DSTYK: variants seen among roughly 807,000 people sequenced by gnomAD.
The protein encoded by DSTYK is RIP-homologous kinase.
A neutral mutation model predicts 98.7 loss-of-function variants in DSTYK; 34 were observed. The observed-to-expected ratio is 0.34, with a 90% CI of 0.26 to 0.46. The LOEUF (loss-of-function observed/expected upper bound fraction) is 0.46. DSTYK is among the 20% of genes least tolerant of loss of function. DSTYK has a pLI of 1.00. For synonymous variants in DSTYK, 462 were observed against 457.3 expected, an observed-to-expected ratio of 1.01 and a Z score of -0.13; for missense variants, 962 against 1,181.7, an observed-to-expected ratio of 0.81 and a Z score of 2.73.
intron 1 of DSTYK, among the ~76,000 whole-genome samples, chr1:205,209,337 G>C (rs1659296125): frequency 1.3e-5 from 2 of 152,170 alleles, no homozygotes; most frequent in Admixed American, 1.3e-4. Flanking sequence ...TTATGGGTGC[G>C]GGTGAAAGTA....
chr1:205,147,056 G>C lies in DSTYK; in HGVS notation c.*502C>G, dbSNP rs561835843. 6.5e-6 allele frequency: 1 copy of C among 153,138 alleles called. No homozygotes were observed. Among genetic ancestry groups the C allele is most frequent in the African/African-American group, 2.4e-5 (1 of 41,532 alleles). The allele number at this position is 153,138 out of a possible 1,614,324, so 9.5% of individuals were successfully genotyped here. On this transcript the variant is annotated 3_prime_UTR_variant, in exon 13 of 13. Transcript: ENST00000367162. ...TTGCAACCTGAGATACCTGGCTGCAGACAGCAGGAACCAGACATCCACAAG... is the reference window on the plus strand; with the variant it reads ...TTGCAACCTGAGATACCTGGCTGCACACAGCAGGAACCAGACATCCACAAG...
intron 1 of DSTYK, among the ~76,000 whole-genome samples, chr1:205,199,820 C>G (rs797004940): frequency 7.2e-5 from 11 of 152,220 alleles, no homozygotes; most frequent in African/African-American, 2.6e-4. Context: ...GTTTTACAAC[C>G]ATAACCAAAA....
At position 205,176,476 on chromosome 1, in the gene DSTYK, T is replaced by TAAA. The variant is rs61291677; in HGVS notation, c.655-6647_655-6645dup. On this transcript the variant is annotated intron_variant, in intron 2 of 12. Coordinates refer to ENST00000367162, the MANE Select transcript of DSTYK (RefSeq NM_015375.3). ...GGGCAACAAGAGTGAAACTCCCTCTTAAAAAAAAAAAAAAAAAAAAAAAAA... is the reference window on the plus strand; with the variant it reads ...GGGCAACAAGAGTGAAACTCCCTCTTAAAAAAAAAAAAAAAAAAAAAAAAAAAA... Among the ~76,000 whole-genome samples the TAAA allele has an allele frequency of 8.9e-3, 382 of 43,152 alleles. 21 individuals carry two copies. Among genetic ancestry groups the TAAA allele is most frequent in the South Asian group, 0.02 (12 of 610 alleles). 28.3% of individuals were successfully genotyped at this position (43,152 alleles called of 152,430 possible).
chr1:205,187,152 T>A (rs1029020628), intron 2 of DSTYK, among the ~76,000 whole-genome samples: 4 of 152,184 alleles, frequency 2.6e-5, no homozygotes, highest in Non-Finnish European at 4.4e-5. Context: ...GTATCACATA[T>A]TCCTTTCATT....
chr1:205,176,425 G>A (rs1044155482), intron 2 of DSTYK, among the ~76,000 whole-genome samples: 3 of 129,076 alleles, frequency 2.3e-5, no homozygotes, highest in Non-Finnish European at 4.7e-5. Context: ...GCGGTGAGCC[G>A]AGATCATGCC....
At chr1:205,198,150 G>A (rs758812553) in intron 1 of DSTYK, among the ~76,000 whole-genome samples, 5 of 151,898 alleles carry the variant, frequency 3.3e-5, no homozygotes, top group Non-Finnish European at 5.9e-5. Context: ...CCAAGATCAC[G>A]CCATTGTACT....
In DSTYK at chr1:205,158,965, A is replaced by G. The variant is rs559717172; in HGVS notation, c.2238+582T>C. 2.6e-5 allele frequency among the ~76,000 whole-genome samples: 4 copies of G among 152,374 alleles called. No individual in the cohort carries two copies. In the East Asian group the frequency reaches 7.7e-4, roughly 29 times the overall value. On this transcript the variant is annotated intron_variant, in intron 9 of 12. Coordinates refer to ENST00000367162, the MANE Select transcript of DSTYK (RefSeq NM_015375.3). ...AAATGAGAAAGAAGAGCAGAGTTAC[A>G]GGAAGCTATACTGCTCTTCTAAGGA...
intron 1 of DSTYK, among the ~76,000 whole-genome samples, chr1:205,199,912 A>G (rs1054282818): frequency 1.3e-5 from 2 of 152,228 alleles, no homozygotes; most frequent in African/African-American, 2.4e-5. Context: ...AAGAAGCTCT[A>G]ATAGTAATCT....
rs906926093 is a variant in DSTYK at position 205,144,890 on chromosome 1, T to C, written c.*2668A>G. 3 of 152,192 alleles carry C rather than the reference T, an allele frequency of 2.0e-5. No individual in the cohort carries two copies. The highest frequency in any genetic ancestry group is 7.2e-5 in the African/African-American group (3 of 41,450). 9.4% of individuals were successfully genotyped at this position (152,192 alleles called of 1,614,324 possible). On this transcript the variant is annotated 3_prime_UTR_variant, in exon 13 of 13. Coordinates refer to ENST00000367162, the MANE Select transcript of DSTYK (RefSeq NM_015375.3). ...GGACTCTGGGTAGAGGAAAAAAATC[T>C]AACCTCCCATATGTGAATGAGAGTA...
intron 1 of DSTYK, among the ~76,000 whole-genome samples, chr1:205,204,447 G>A (rs1659141630): frequency 9.3e-6 from 1 of 108,048 alleles, no homozygotes; most frequent in South Asian, 3.5e-4. Context: ...CTAAATCAAT[G>A]CTCACCATAC....
At chr1:205,164,229 G>A (rs1657819523) in intron 3 of DSTYK, among the ~76,000 whole-genome samples, 1 of 152,094 alleles carries the variant, frequency 6.6e-6, no homozygotes, top group African/African-American at 2.4e-5. Flanking sequence ...GAGGCAGGAG[G>A]ATTGCTTGAG....
At chr1:205,177,842 G>C (rs1216985130) in intron 2 of DSTYK, among the ~76,000 whole-genome samples, 1 of 151,678 alleles carries the variant, frequency 6.6e-6, no homozygotes, top group Non-Finnish European at 1.5e-5. Flanking sequence ...GCTCCAGCCT[G>C]GGAGACAGAG....
chr1:205,165,852 G>A (rs1223729438), intron 3 of DSTYK, among the ~76,000 whole-genome samples: 1 of 151,956 alleles, frequency 6.6e-6, no homozygotes, highest in Non-Finnish European at 1.5e-5. Flanking sequence ...CAGGTATGAT[G>A]GTGTGATGGT....
At chr1:205,184,848 G>A (rs1658519349) in intron 2 of DSTYK, among the ~76,000 whole-genome samples, 1 of 152,026 alleles carries the variant, frequency 6.6e-6, no homozygotes, top group African/African-American at 2.4e-5. Flanking sequence ...GTCTCCCAAA[G>A]TGTTGGGATT....
At chr1:205,179,749 T>C (rs531660971) in intron 2 of DSTYK, among the ~76,000 whole-genome samples, 2 of 150,854 alleles carry the variant, frequency 1.3e-5, no homozygotes, top group Non-Finnish European at 2.9e-5. Flanking sequence ...TAATATCCTC[T>C]ATGGATTGGC....
intron 10 of DSTYK, among the ~76,000 whole-genome samples, chr1:205,151,583 G>A (rs1382402434): frequency 5.3e-5 from 8 of 151,468 alleles, no homozygotes; most frequent in African/African-American, 1.5e-4. Flanking sequence ...TTCCCACCTC[G>A]GCTTCCTGAC....
intron 1 of DSTYK, among the ~76,000 whole-genome samples, chr1:205,196,368 G>A (rs1287066123): frequency 1.3e-5 from 2 of 151,916 alleles, no homozygotes; most frequent in Admixed American, 6.6e-5. Context: ...ACCAACCTGG[G>A]CAACATAGTG....
At chr1:205,188,808 T>C (rs1362236969) in intron 1 of DSTYK, among the ~76,000 whole-genome samples, 1 of 152,224 alleles carries the variant, frequency 6.6e-6, no homozygotes, top group Non-Finnish European at 1.5e-5. Flanking sequence ...CCAAGTCATC[T>C]GTTTCCTTAA....
At chr1:205,209,893 C>CTATTATTATTATTATTATTATTAT (rs372431377) in intron 1 of DSTYK, among the ~76,000 whole-genome samples, 1 of 150,090 alleles carries the variant, frequency 6.7e-6, no homozygotes, top group African/African-American at 2.5e-5. Flanking sequence ...TTTATTATTA[C>CTATTATTATTATTATTATTATTAT]TATTATTATT....
Sources: gnomAD v4.1 joint callset for allele counts (sites outside exome capture counted in the v4.1 genomes callset) on GRCh38, gnomAD v4.1.1 for gene constraint, MANE v1.5 for transcripts, NCBI Gene and HGNC (gene_info 2026-07-23, HGNC 2026-07-21) for gene names.